Variants in NEDD9 observed in about 807,000 individuals in gnomAD.
The protein encoded by NEDD9 is neural precursor cell expressed, developmentally down-regulated 9.
In NEDD9, 26 loss-of-function variants were observed where a neutral mutation model predicts 76.6. That is an observed-to-expected ratio of 0.34 (90% CI 0.25 to 0.47). NEDD9 has a LOEUF of 0.47. NEDD9 is among the 20% of genes least tolerant of loss of function. The pLI, the probability that NEDD9 is intolerant of heterozygous loss-of-function variation, is 1.00. For synonymous variants in NEDD9, 392 were observed against 414.2 expected (o/e 0.95, Z 0.65); for missense variants, 937 against 1,058.5 (o/e 0.89, Z 1.59).
chr6:11,255,386 G>A (rs548264434), intron 3 of NEDD9, among the ~76,000 whole-genome samples: 15 of 152,290 alleles, frequency 9.8e-5, no homozygotes, highest in East Asian at 9.6e-4. Context: ...AAAGAACTAC[G>A]TAAAAGAAAT....
intron 3 of NEDD9, chr6:11,305,984 G>T (rs775294051): frequency 6.2e-7 from 1 of 1,613,870 alleles, no homozygotes; most frequent in South Asian, 1.1e-5. Context: ...TTTTCTATCA[G>T]TACTCACCCT....
intron 2 of NEDD9, among the ~76,000 whole-genome samples, chr6:11,330,021 G>T (rs918725994): frequency 6.6e-6 from 1 of 152,210 alleles, no homozygotes; most frequent in Non-Finnish European, 1.5e-5. Flanking sequence ...TGTCCGATGT[G>T]GGAGCTACCA....
At chr6:11,356,216 C>T (rs1373183925) in intron 1 of NEDD9, among the ~76,000 whole-genome samples, 2 of 152,122 alleles carry the variant, frequency 1.3e-5, no homozygotes, top group Non-Finnish European at 2.9e-5. Flanking sequence ...GATTTTTTCT[C>T]TTTGTTATGG....
chr6:11,189,928 G>T, intron 5 of NEDD9, 36 bp downstream of exon 5: 1 of 1,503,156 alleles, frequency 6.7e-7, no homozygotes. Context: ...CTGCATGTGA[G>T]TGAGTGTAGG....
At chr6:11,300,694 G>T (rs996394105) in intron 3 of NEDD9, among the ~76,000 whole-genome samples, 7 of 152,218 alleles carry the variant, frequency 4.6e-5, no homozygotes, top group Non-Finnish European at 1.0e-4. Flanking sequence ...CCAGAAGAGA[G>T]TGGGGGCCAA....
chr6:11,366,430 GAAGA>G (rs1333185371), intron 1 of NEDD9, among the ~76,000 whole-genome samples: 3 of 150,846 alleles, frequency 2.0e-5, no homozygotes, highest in East Asian at 3.9e-4. Context: ...AAAAAGAAAG[GAAGA>G]AAGAAAGAAA....
chr6:11,229,590 G>A (rs1319748342), intron 1 of NEDD9, among the ~76,000 whole-genome samples: 2 of 152,082 alleles, frequency 1.3e-5, no homozygotes, highest in Admixed American at 6.6e-5. Context: ...GCCAGCCCCC[G>A]CCCAATTAAG....
In NEDD9 at chr6:11,366,402, A is replaced by G. The variant is rs189538918; in HGVS notation, c.-214+15737T>C. On this transcript the variant is annotated intron_variant, in intron 1 of 3. Transcript: ENST00000397378. ...AGCAAGACAGAGAGAGAGAGAAATA[A>G]AAGAAGAAAGAAAAAAGAAAAAGAA... 8.3e-5 allele frequency among the ~76,000 whole-genome samples: 11 copies of G among 131,990 alleles called. No homozygotes were observed. The East Asian group carries it at 2.0e-3, about 24-fold the overall frequency. The allele number at this position is 131,990 out of a possible 152,430, so 86.6% of individuals were successfully genotyped here. A position where few individuals can be genotyped will look rare whatever the true frequency, so the allele number is the denominator to read the frequency against.
chr6:11,358,955 T>C (rs773404245), intron 1 of NEDD9, among the ~76,000 whole-genome samples: 10 of 152,192 alleles, frequency 6.6e-5, no homozygotes, highest in South Asian at 2.1e-4. Flanking sequence ...AGAGGCAAAC[T>C]GTGCAATTCT....
intron 2 of NEDD9, chr6:11,200,978 G>A: frequency 6.2e-7 from 1 of 1,614,224 alleles, no homozygotes; most frequent in Non-Finnish European, 8.5e-7. Context: ...TTTCAGTGGA[G>A]GTTCACAAGC....
intron 2 of NEDD9, chr6:11,306,233 C>T: frequency 1.8e-6 from 1 of 568,954 alleles, no homozygotes; most frequent in Non-Finnish European, 3.1e-6. Flanking sequence ...TTAAGGGTTG[C>T]ATCATAGCAG....
At chr6:11,307,696 T>C (rs1416523453) in intron 2 of NEDD9, among the ~76,000 whole-genome samples, 1 of 152,130 alleles carries the variant, frequency 6.6e-6, no homozygotes, top group African/African-American at 2.4e-5. Context: ...AACACACATA[T>C]AGAAAACTGT....
chr6:11,306,571 C>G (rs1400769516), intron 2 of NEDD9, among the ~76,000 whole-genome samples: 1 of 152,128 alleles, frequency 6.6e-6, no homozygotes, highest in African/African-American at 2.4e-5. Flanking sequence ...ATTTCCTTGC[C>G]TATAACCTAC....
At chr6:11,331,299 T>C (rs530214972) in intron 2 of NEDD9, among the ~76,000 whole-genome samples, 15 of 144,646 alleles carry the variant, frequency 1.0e-4, no homozygotes, top group African/African-American at 3.4e-4. Context: ...TTGAGAGAGA[T>C]GTAGGGCTGA....
In NEDD9 at chr6:11,199,629, G is replaced by A. The variant is rs1024542982; in HGVS notation, c.460-5937C>T. On this transcript the variant is annotated intron_variant, in intron 2 of 6. Coordinates refer to ENST00000379446, the MANE Select transcript of NEDD9 (RefSeq NM_006403.4). The stretch of plus-strand genomic sequence containing the variant: ...AACTTAAAAAAATGAAGAAAAGCTA[G>A]GAAAGATCTTTTTTTTTTTTTTTTT... The A allele has an allele frequency of 2.4e-5, 3 of 123,448 alleles. No homozygotes were observed. In the South Asian group the frequency reaches 8.9e-4, roughly 37 times the overall value. 7.6% of individuals were successfully genotyped at this position (123,448 alleles called of 1,614,324 possible). A position where few individuals can be genotyped will look rare whatever the true frequency, so the allele number is the denominator to read the frequency against.
intron 2 of NEDD9, among the ~76,000 whole-genome samples, chr6:11,311,438 G>A (rs1270728602): frequency 6.6e-6 from 1 of 152,094 alleles, no homozygotes; most frequent in Non-Finnish European, 1.5e-5. Flanking sequence ...CCAGCCTCCC[G>A]AGCTGTGAAA....
chr6:11,278,923 T>TAA (rs369418771), intron 3 of NEDD9, among the ~76,000 whole-genome samples: 58 of 146,252 alleles, frequency 4.0e-4, no homozygotes, highest in African/African-American at 1.3e-3. Flanking sequence ...GATAAAGAGT[T>TAA]AAAAAAAAAA....
At chr6:11,348,137 AC>A (rs1353037226) in intron 1 of NEDD9, among the ~76,000 whole-genome samples, 1 of 152,212 alleles carries the variant, frequency 6.6e-6, no homozygotes, top group Non-Finnish European at 1.5e-5. Context: ...ATTCCTATAC[AC>A]CAACAACAGT....
At chr6:11,224,795 C>T (rs910400537) in intron 1 of NEDD9, among the ~76,000 whole-genome samples, 1 of 152,068 alleles carries the variant, frequency 6.6e-6, no homozygotes, top group Non-Finnish European at 1.5e-5. Flanking sequence ...CCAGCTCATT[C>T]TTAAAGAGTC....
Sources: gnomAD v4.1 joint callset for allele counts (sites outside exome capture counted in the v4.1 genomes callset) on GRCh38, gnomAD v4.1.1 for gene constraint, MANE v1.5 for transcripts, NCBI Gene and HGNC (gene_info 2026-07-23, HGNC 2026-07-21) for gene names.